The following GALNT13 variants were observed in gnomAD, a reference collection of about 807,000 sequenced individuals.
GALNT13 encodes polypeptide N-acetylgalactosaminyltransferase 13.
A neutral mutation model predicts 64.2 loss-of-function variants in GALNT13; 28 were observed. The ratio of observed to expected loss-of-function variants is 0.44; its 90% CI spans 0.32 to 0.60. GALNT13 has a LOEUF of 0.60. GALNT13 is among the 20% of genes least tolerant of loss of function. The pLI is 0.05. For missense variants in GALNT13, 577 were observed against 669.8 expected, an observed-to-expected ratio of 0.86 and a Z score of 1.53; for synonymous variants, 214 against 224.6, an observed-to-expected ratio of 0.95 and a Z score of 0.42.
the GALNT13 span, among the ~76,000 whole-genome samples, chr2:153,233,377 A>G: frequency 6.0e-4 from 92 of 152,208 alleles, no homozygotes; most frequent in Middle Eastern, 0.024. Context: ...ACATATATGT[A>G]GGACTTCTGC....
the GALNT13 span, among the ~76,000 whole-genome samples, chr2:153,509,429 C>A: frequency 1.3e-5 from 2 of 152,232 alleles, no homozygotes; most frequent in African/African-American, 2.4e-5. Flanking sequence ...GACGGGCCAC[C>A]GCTGCCATCA....
At chr2:153,642,092 T>C in the GALNT13 span, among the ~76,000 whole-genome samples, 3 of 152,106 alleles carry the variant, frequency 2.0e-5, no homozygotes, top group South Asian at 4.1e-4. Flanking sequence ...ATTTAAATTA[T>C]TTTATCTTCA....
At chr2:154,262,370 C>T (rs1690745802) in intron 8 of GALNT13, among the ~76,000 whole-genome samples, 1 of 152,170 alleles carries the variant, frequency 6.6e-6, no homozygotes, top group Admixed American at 6.5e-5. Context: ...TACAAGCTTC[C>T]TCCACAATTC....
chr2:153,398,432 A>G, the GALNT13 span, among the ~76,000 whole-genome samples: 1 of 152,088 alleles, frequency 6.6e-6, no homozygotes, highest in African/African-American at 2.4e-5. Flanking sequence ...CTTTGGGTAC[A>G]TACCCAGTAA....
At chr2:153,501,839 A>C in the GALNT13 span, among the ~76,000 whole-genome samples, 1 of 152,210 alleles carries the variant, frequency 6.6e-6, no homozygotes, top group African/African-American at 2.4e-5. Context: ...ATCCGCTTTT[A>C]ATTAAGCTGG....
the GALNT13 span, among the ~76,000 whole-genome samples, chr2:153,199,017 C>T: frequency 6.6e-6 from 1 of 152,160 alleles, no homozygotes; most frequent in African/African-American, 2.4e-5. Flanking sequence ...TTATGTGAGC[C>T]TTCATTCCTC....
chr2:154,438,545 C>A, intron 11 of GALNT13, 47 bp from the exon 12 acceptor site: 1 of 1,460,882 alleles, frequency 6.8e-7, no homozygotes, highest in Admixed American at 1.7e-5. Context: ...TCTATTGTGA[C>A]ATTTTAAAAC....
intron 9 of GALNT13, among the ~76,000 whole-genome samples, chr2:154,336,079 C>A (rs1172129326): frequency 1.3e-5 from 2 of 152,038 alleles, no homozygotes; most frequent in Non-Finnish European, 2.9e-5. Context: ...ACTGAATCCA[C>A]GTGAATTGTG....
chr2:154,336,113 A>T (rs149998936), intron 9 of GALNT13, among the ~76,000 whole-genome samples: 2 of 152,228 alleles, frequency 1.3e-5, no homozygotes, highest in Non-Finnish European at 2.9e-5. Flanking sequence ...ATCCAGTGTC[A>T]TCCACATATA....
intron 3 of GALNT13, among the ~76,000 whole-genome samples, chr2:154,001,533 G>A (rs1695909614): frequency 6.6e-6 from 1 of 151,946 alleles, no homozygotes; most frequent in Non-Finnish European, 1.5e-5. Context: ...ATTGCAAAGA[G>A]AAGAAACTGA....
chr2:153,759,081 T>A, the GALNT13 span, among the ~76,000 whole-genome samples: 1 of 152,212 alleles, frequency 6.6e-6, no homozygotes, highest in African/African-American at 2.4e-5. Flanking sequence ...AATATATTTC[T>A]TCATTTCTGT....
the GALNT13 span, among the ~76,000 whole-genome samples, chr2:153,741,835 TA>T: frequency 6.6e-6 from 1 of 152,132 alleles, no homozygotes; most frequent in African/African-American, 2.4e-5. Context: ...AAAATTAATT[TA>T]TCTATTTTAT....
the GALNT13 span, among the ~76,000 whole-genome samples, chr2:153,492,348 A>G: frequency 7.1e-3 from 1,080 of 152,360 alleles, 8 homozygotes; most frequent in African/African-American, 0.025. Flanking sequence ...AGACAGCCAC[A>G]GTGTATCTGA....
chr2:153,830,888 G>GT, the GALNT13 span, among the ~76,000 whole-genome samples: 2 of 152,170 alleles, frequency 1.3e-5, no homozygotes, highest in African/African-American at 4.8e-5. Flanking sequence ...GCTGAATCCA[G>GT]TAAATAATAA....
At chr2:153,502,204 C>G in the GALNT13 span, among the ~76,000 whole-genome samples, 1 of 152,090 alleles carries the variant, frequency 6.6e-6, no homozygotes, top group Non-Finnish European at 1.5e-5. Flanking sequence ...GCAGTGTACA[C>G]TGTACTCAAT....
At chr2:153,965,612 A>G (rs889206541) in intron 3 of GALNT13, among the ~76,000 whole-genome samples, 1 of 151,928 alleles carries the variant, frequency 6.6e-6, no homozygotes, top group Admixed American at 6.6e-5. Context: ...TCTTCTTCTT[A>G]ATGTTTTTCT....
chr2:154,131,463 C>T (rs996222980), intron 3 of GALNT13, among the ~76,000 whole-genome samples: 3 of 152,104 alleles, frequency 2.0e-5, no homozygotes, highest in Non-Finnish European at 4.4e-5. Context: ...TAGAACAAAT[C>T]GTATTCCTTT....
intron 8 of GALNT13, among the ~76,000 whole-genome samples, chr2:154,277,240 T>C (rs1166372577): frequency 6.6e-6 from 1 of 152,212 alleles, no homozygotes; most frequent in African/African-American, 2.4e-5. Flanking sequence ...ATTATTTTTA[T>C]ATACCTATAT....
At chr2:154,341,632 A>G (rs1290374544) in intron 9 of GALNT13, among the ~76,000 whole-genome samples, 1 of 152,062 alleles carries the variant, frequency 6.6e-6, no homozygotes, top group Admixed American at 6.6e-5. Flanking sequence ...GGAGGAGAGG[A>G]AAAGAGGCAC....
Sources: gnomAD v4.1 joint callset for allele counts (sites outside exome capture counted in the v4.1 genomes callset) on GRCh38, gnomAD v4.1.1 for gene constraint, MANE v1.5 for transcripts, NCBI Gene and HGNC (gene_info 2026-07-23, HGNC 2026-07-21) for gene names.